Variants in PDE10A observed in about 807,000 individuals in gnomAD.
The protein encoded by PDE10A is phosphodiesterase 10A, also known as cAMP and cAMP-inhibited cGMP 3',5'-cyclic phosphodiesterase 10A.
PDE10A carries 39 observed loss-of-function variants against 97.7 expected under a neutral mutation model. That is an observed-to-expected ratio of 0.40 (90% CI 0.31 to 0.52). PDE10A has a LOEUF of 0.52. Ranked by LOEUF, PDE10A falls within the 20% of genes least tolerant of loss-of-function variation. PDE10A has a pLI of 0.56. For synonymous variants in PDE10A, 371 were observed against 376.8 expected, an observed-to-expected ratio of 0.98 and a Z score of 0.18; for missense variants, 731 against 1,047.8, an observed-to-expected ratio of 0.70 and a Z score of 4.17.
chr6:165,721,993 G>C (rs994468768), intron 1 of PDE10A, among the ~76,000 whole-genome samples: 6 of 152,132 alleles, frequency 3.9e-5, no homozygotes, highest in African/African-American at 1.4e-4. Flanking sequence ...ATTTTCAAAA[G>C]CTAAGGATTC....
intron 1 of PDE10A, among the ~76,000 whole-genome samples, chr6:165,558,545 A>G (rs1368686895): frequency 1.3e-5 from 2 of 152,172 alleles, no homozygotes; most frequent in Non-Finnish European, 2.9e-5. Flanking sequence ...TTCTATATAA[A>G]TAAGCTGTCA....
intron 1 of PDE10A, among the ~76,000 whole-genome samples, chr6:165,643,711 A>T (rs1789254845): frequency 6.6e-6 from 1 of 152,220 alleles, no homozygotes; most frequent in Admixed American, 6.5e-5. Flanking sequence ...TGGGGAAAAG[A>T]AAGATCTTGG....
chr6:165,587,079 C>T (rs961841592), intron 1 of PDE10A, among the ~76,000 whole-genome samples: 5 of 152,028 alleles, frequency 3.3e-5, no homozygotes, highest in South Asian at 2.1e-4. Context: ...AAAGGATGAG[C>T]GCAGGGGAAG....
intron 2 of PDE10A, among the ~76,000 whole-genome samples, chr6:165,486,019 G>A (rs990667746): frequency 7.9e-5 from 12 of 152,202 alleles, no homozygotes; most frequent in African/African-American, 2.7e-4. Flanking sequence ...GCTGCAGTTC[G>A]AAAGGTGGCA....
At chr6:165,960,613 G>T (rs1314767058) in intron 1 of PDE10A, among the ~76,000 whole-genome samples, 4 of 152,226 alleles carry the variant, frequency 2.6e-5, no homozygotes, top group Non-Finnish European at 5.9e-5. Flanking sequence ...AGAAAGGGTT[G>T]TAGAATCGAG....
intron 1 of PDE10A, among the ~76,000 whole-genome samples, chr6:165,788,785 T>C (rs1282582229): frequency 1.3e-5 from 2 of 152,152 alleles, no homozygotes. Context: ...CCATAATCTA[T>C]CATTTAGACT....
At chr6:165,804,982 G>A (rs1266380356) in intron 1 of PDE10A, among the ~76,000 whole-genome samples, 2 of 148,864 alleles carry the variant, frequency 1.3e-5, no homozygotes, top group Admixed American at 6.7e-5. Flanking sequence ...AGGGACGGCG[G>A]GGCCTGGAGC....
chr6:165,712,981 C>T (rs1283533643), intron 1 of PDE10A, among the ~76,000 whole-genome samples: 3 of 152,236 alleles, frequency 2.0e-5, no homozygotes, highest in Non-Finnish European at 4.4e-5. Flanking sequence ...ATTTTTATCT[C>T]CTCTTTGCAA....
At chr6:165,612,611 C>A (rs1279928910) in intron 1 of PDE10A, among the ~76,000 whole-genome samples, 1 of 152,202 alleles carries the variant, frequency 6.6e-6, no homozygotes, top group Non-Finnish European at 1.5e-5. Flanking sequence ...CTCAGGTGAT[C>A]TACTTGCTTT....
intron 1 of PDE10A, among the ~76,000 whole-genome samples, chr6:165,905,194 A>G (rs1401756692): frequency 2.6e-5 from 4 of 152,218 alleles, no homozygotes; most frequent in Non-Finnish European, 5.9e-5. Flanking sequence ...TAATATTTTC[A>G]TACCATAACC....
At chr6:165,751,873 C>T (rs544604566) in intron 1 of PDE10A, among the ~76,000 whole-genome samples, 1 of 152,138 alleles carries the variant, frequency 6.6e-6, no homozygotes, top group South Asian at 2.1e-4. Flanking sequence ...GGCACGGTGG[C>T]TCATGCCTGT....
chr6:165,377,228 C>T lies in PDE10A; in HGVS notation c.2783+1966G>A, dbSNP rs542147510. On this transcript the variant is annotated intron_variant, in intron 18 of 21. Transcript: ENST00000539869. The stretch of plus-strand genomic sequence containing the variant: ...TTATTATGAAATTTCTTTTACAATA[C>T]ATCTGAGTTATGCTTGAACATACTG... 3.3e-5 allele frequency among the ~76,000 whole-genome samples: 5 copies of T among 152,172 alleles called. No individual in the cohort carries two copies. In the East Asian group the frequency reaches 9.6e-4, roughly 29 times the overall value.
chr6:165,873,714 T>C lies in PDE10A; in HGVS notation c.-615+113815A>G, dbSNP rs574546822. The stretch of plus-strand genomic sequence containing the variant: ...AGATGTGAAGGATGCATTTTAAAAC[T>C]TAGATGCAAAAAAAATTGCCCTTTT... On this transcript the variant is annotated intron_variant, in intron 1 of 19. Coordinates refer to the PDE10A transcript ENST00000366882. 5.9e-5 allele frequency among the ~76,000 whole-genome samples: 9 copies of C among 152,262 alleles called. No individual in the cohort carries two copies. The East Asian group carries it at 1.5e-3, about 26-fold the overall frequency.
chr6:165,791,834 T>A (rs1348058260), intron 1 of PDE10A, among the ~76,000 whole-genome samples: 2 of 152,192 alleles, frequency 1.3e-5, no homozygotes, highest in Non-Finnish European at 2.9e-5. Context: ...GTGAGAAGAA[T>A]CTCTGTAATC....
chr6:165,659,177 G>A (rs981601713), intron 1 of PDE10A, among the ~76,000 whole-genome samples: 1 of 151,984 alleles, frequency 6.6e-6, no homozygotes, highest in South Asian at 2.1e-4. Context: ...ATTTGCTTTC[G>A]ATGGTAATAA....
intron 3 of PDE10A, among the ~76,000 whole-genome samples, chr6:165,462,202 C>T (rs1778364907): frequency 6.6e-6 from 1 of 152,140 alleles, no homozygotes; most frequent in African/African-American, 2.4e-5. Flanking sequence ...TTCTCAAGGA[C>T]AAGTCATAAT....
At chr6:165,383,466 T>C (rs1785060171) in intron 17 of PDE10A, among the ~76,000 whole-genome samples, 1 of 152,158 alleles carries the variant, frequency 6.6e-6, no homozygotes, top group South Asian at 2.1e-4. Context: ...CATGAAGGCA[T>C]TCTGCTTGCC....
intron 1 of PDE10A, among the ~76,000 whole-genome samples, chr6:165,696,881 A>G (rs1329438042): frequency 6.6e-6 from 1 of 152,224 alleles, no homozygotes; most frequent in African/African-American, 2.4e-5. Flanking sequence ...TTATTCAAGT[A>G]CAAAGCACAA....
At chr6:165,971,958 A>T (rs1384983947) in intron 1 of PDE10A, among the ~76,000 whole-genome samples, 1 of 152,220 alleles carries the variant, frequency 6.6e-6, no homozygotes, top group Non-Finnish European at 1.5e-5. Flanking sequence ...TAAACCTGTT[A>T]AAGTATAGAA....
Sources: allele counts gnomAD v4.1 joint callset (sites outside exome capture counted in the v4.1 genomes callset), GRCh38; gene constraint gnomAD v4.1.1; transcripts MANE v1.5; gene names NCBI Gene and HGNC (gene_info 2026-07-23, HGNC 2026-07-21).